SIM2: variants seen among roughly 807,000 people sequenced by gnomAD.
SIM2 encodes single-minded homolog 2.
A neutral mutation model predicts 64.8 loss-of-function variants in SIM2; 28 were observed. That is an observed-to-expected ratio of 0.43 (90% CI 0.32 to 0.59). The LOEUF (loss-of-function observed/expected upper bound fraction) is 0.59, where lower values mean the gene tolerates loss of function less well. Ranked by LOEUF, SIM2 falls within the 20% of genes least tolerant of loss-of-function variation. SIM2 has a pLI of 0.07. For synonymous variants in SIM2, 408 were observed against 391.1 expected, an observed-to-expected ratio of 1.04 and a Z score of -0.51; for missense variants, 847 against 871.4, an observed-to-expected ratio of 0.97 and a Z score of 0.35.
chr21:36,735,491 ACTG>A (rs1022382144), intron 7 of SIM2, among the ~76,000 whole-genome samples: 4 of 151,932 alleles, frequency 2.6e-5, no homozygotes, highest in African/African-American at 9.7e-5. Flanking sequence ...CACCCACACC[ACTG>A]CTGTGTGAGG....
chr21:36,749,113 T>A lies in SIM2; in HGVS notation c.*1021T>A, dbSNP rs1261333528. 6.5e-6 allele frequency: 1 copy of A among 152,698 alleles called. No homozygotes were observed. The highest frequency in any genetic ancestry group is 1.5e-5 in the Non-Finnish European group (1 of 68,048). 9.5% of individuals were successfully genotyped at this position (152,698 alleles called of 1,614,324 possible). On this transcript the variant is annotated 3_prime_UTR_variant, in exon 11 of 11. Coordinates refer to ENST00000290399, the MANE Select transcript of SIM2 (RefSeq NM_005069.6). ...GCGAGAAAACTTCGTAAGAACATGT[T>A]ACGTGTGCAACAGGTAAACAGAAAT... is the stretch of plus-strand genomic sequence containing the variant.
At chr21:36,701,712 G>A (rs937057162) in intron 1 of SIM2, 1 of 152,290 alleles carries the variant, frequency 6.6e-6, no homozygotes, top group Non-Finnish European at 1.5e-5. Flanking sequence ...CCGCTCAATG[G>A]TGACCCCTTG....
At chr21:36,742,466 GGA>G (rs58733407) in intron 8 of SIM2, among the ~76,000 whole-genome samples, 151,953 of 151,954 alleles carry the variant, frequency 1, 75,976 homozygotes, top group Non-Finnish European at 1. Context: ...ATGTTGCCCA[GGA>G]GCTGGTCTCG....
chr21:36,721,461 G>T (rs1421092598), intron 4 of SIM2, among the ~76,000 whole-genome samples: 1 of 152,024 alleles, frequency 6.6e-6, no homozygotes, highest in African/African-American at 2.4e-5. Context: ...TTTTGGAGTT[G>T]GAGTTTCATT....
Position 36,717,871 on chromosome 21 carries a change from T to A in SIM2, c.349-1950T>A, listed in dbSNP as rs769472756. Among the ~76,000 whole-genome samples, 3 of 152,338 alleles carry A rather than the reference T, an allele frequency of 2.0e-5. No individual in the cohort carries two copies. In the East Asian group the frequency reaches 5.8e-4, roughly 29 times the overall value. On this transcript the variant is annotated intron_variant, in intron 3 of 10. Transcript: ENST00000290399. ...TTACCTGTTGCCAGTTTATTTAAACTTTTTAAGGATTAACAGGAATGACTC... is the reference window on the plus strand; with the variant it reads ...TTACCTGTTGCCAGTTTATTTAAACATTTTAAGGATTAACAGGAATGACTC...
chr21:36,723,160 C>G (rs1329816999), intron 5 of SIM2, 30 bp downstream of exon 5: 3 of 1,573,372 alleles, frequency 1.9e-6, no homozygotes, highest in Non-Finnish European at 2.6e-6. Flanking sequence ...CGGGGAGGAG[C>G]TGGCTAAGGG....
At chr21:36,717,661 G>A (rs1483525999) in intron 3 of SIM2, among the ~76,000 whole-genome samples, 5 of 151,916 alleles carry the variant, frequency 3.3e-5, no homozygotes, top group African/African-American at 9.7e-5. Context: ...TGGCCAGGCT[G>A]GTCTTGAACT....
At chr21:36,730,181 C>G (rs540430469) in intron 6 of SIM2, among the ~76,000 whole-genome samples, 43 of 152,198 alleles carry the variant, frequency 2.8e-4, no homozygotes, top group Non-Finnish European at 4.8e-4. Flanking sequence ...TAGCGTGCAA[C>G]AGAGGTTTAA....
chr21:36,731,804 C>T (rs2088972126), intron 7 of SIM2, among the ~76,000 whole-genome samples: 1 of 152,128 alleles, frequency 6.6e-6, no homozygotes, highest in Non-Finnish European at 1.5e-5. Flanking sequence ...GGTTTGGGAA[C>T]ATCAGGATAT....
At chr21:36,704,268 T>C (rs1022563891) in intron 1 of SIM2, among the ~76,000 whole-genome samples, 2 of 152,142 alleles carry the variant, frequency 1.3e-5, no homozygotes, top group African/African-American at 4.8e-5. Context: ...ATTTGGAGAG[T>C]TGGGTGAGGA....
chr21:36,718,630 C>G (rs958700732), intron 3 of SIM2, among the ~76,000 whole-genome samples: 1 of 152,224 alleles, frequency 6.6e-6, no homozygotes, highest in Non-Finnish European at 1.5e-5. Flanking sequence ...TCTTCTCAGG[C>G]TGGGCACTGG....
Position 36,700,623 on chromosome 21 carries a change from C to A in SIM2, c.175+702C>A, listed in dbSNP as rs1292102185. ...GGTGAAGGAGGGTCAGCTTCAGGCG[C>A]TGCGAGTCAGCGGGGATCACGGTGA... is the stretch of plus-strand genomic sequence containing the variant. On this transcript the variant is annotated intron_variant, in intron 1 of 10. Transcript: ENST00000290399. Among the ~76,000 whole-genome samples the A allele has an allele frequency of 1.3e-5, 2 of 152,122 alleles. 1 individual carries two copies. Among genetic ancestry groups the A allele is most frequent in the East Asian group, 3.9e-4 (2 of 5,190 alleles).
chr21:36,712,362 G>A (rs1473749546), intron 2 of SIM2, among the ~76,000 whole-genome samples, 171 bp from the exon 3 acceptor site: 1 of 152,164 alleles, frequency 6.6e-6, no homozygotes, highest in Non-Finnish European at 1.5e-5. Context: ...TAAACCCTGG[G>A]TGCTGTTTCC....
chr21:36,702,172 G>A (rs2088509463), intron 1 of SIM2, among the ~76,000 whole-genome samples: 1 of 152,166 alleles, frequency 6.6e-6, no homozygotes, highest in Admixed American at 6.5e-5. Context: ...CAGAATTGCT[G>A]GGCCCCGAGT....
chr21:36,748,007 A>C lies in SIM2; in HGVS notation c.1919A>C (p.His640Pro), dbSNP rs958601018. Residue 640 changes from histidine (H) to proline (P), a missense_variant, in exon 11 of 11, where the codon CAC (histidine) becomes CCC (proline). Around this residue, in one of 3 missense-constraint regions of SIM2, gnomAD observed 447 missense variants for 414.6 expected, o/e 1.08. Coordinates refer to ENST00000290399, the MANE Select transcript of SIM2 (RefSeq NM_005069.6). The part of the protein sequence containing the change: ...EAATGALRLR[H>P]PSPAATSPPG... ...GCGACCGGCGCGCTGCGGCTCCGGC[A>C]CCCGAGCCCCGCCGCCACCTCCCCG... The C allele has an allele frequency of 8.8e-7, 1 of 1,132,360 alleles. No individual in the cohort carries two copies. The highest frequency in any genetic ancestry group is 1.1e-6 in the Non-Finnish European group (1 of 925,792). 70.1% of individuals were successfully genotyped at this position (1,132,360 alleles called of 1,614,324 possible).
Position 36,721,403 on chromosome 21 carries a change from T to A in SIM2, c.457+1474T>A, listed in dbSNP as rs370426804. Among the ~76,000 whole-genome samples the A allele has an allele frequency of 7.9e-5, 12 of 152,332 alleles. 1 individual carries two copies. Among genetic ancestry groups the A allele is most frequent in the East Asian group, 3.9e-4 (2 of 5,184 alleles). On this transcript the variant is annotated intron_variant, in intron 4 of 10. Coordinates refer to ENST00000290399, the MANE Select transcript of SIM2 (RefSeq NM_005069.6). Reference sequence around the variant, plus strand: ...CAGAGAATTGCAGAACATAGTGCTGTTACTGTTTTTGAAAATTGCACAGTA... The same window carrying A: ...CAGAGAATTGCAGAACATAGTGCTGATACTGTTTTTGAAAATTGCACAGTA...
At chr21:36,744,657 T>G in intron 9 of SIM2, 71 bp from the exon 10 acceptor site, 1 of 1,496,152 alleles carries the variant, frequency 6.7e-7, no homozygotes, top group Middle Eastern at 2.1e-4. Context: ...TCGGGACGGT[T>G]CTTGCAGGGC....
At chr21:36,733,023 T>G (rs2088991660) in intron 7 of SIM2, among the ~76,000 whole-genome samples, 1 of 152,098 alleles carries the variant, frequency 6.6e-6, no homozygotes, top group Admixed American at 6.5e-5. Flanking sequence ...CTGCCACTGT[T>G]GGGGCGGAGG....
intron 3 of SIM2, among the ~76,000 whole-genome samples, chr21:36,717,540 C>T (rs1312590255): frequency 2.0e-5 from 3 of 151,510 alleles, no homozygotes; most frequent in African/African-American, 7.3e-5. Context: ...CTGCGCCTCC[C>T]GGGTTCAGAC....
Sources: allele counts gnomAD v4.1 joint callset (sites outside exome capture counted in the v4.1 genomes callset), GRCh38; gene constraint gnomAD v4.1.1; regional missense constraint gnomAD v4.1.1; transcripts MANE v1.5; gene names NCBI Gene and HGNC (gene_info 2026-07-23, HGNC 2026-07-21).